The following COLQ variants were observed in gnomAD, a reference collection of about 807,000 sequenced individuals.
The protein encoded by COLQ is collagen like tail subunit of asymmetric acetylcholinesterase.
Under a neutral mutation model 69.0 loss-of-function variants are expected in COLQ, and 48 were observed. The ratio of observed to expected loss-of-function variants is 0.70; its 90% confidence interval spans 0.55 to 0.88. The LOEUF (loss-of-function observed/expected upper bound fraction) is 0.88, where lower values mean the gene tolerates loss of function less well. Among genes scored for constraint, COLQ ranks in the 40% least tolerant of loss-of-function variants. COLQ has a pLI of 0.00. For missense variants in COLQ, 618 were observed against 594.6 expected (o/e 1.04, Z -0.41); for synonymous variants, 217 against 211.2 (o/e 1.03, Z -0.24).
chr3:15,484,770 G>A (rs2062547568), intron 3 of COLQ, among the ~76,000 whole-genome samples: 1 of 152,132 alleles, frequency 6.6e-6, no homozygotes, highest in African/African-American at 2.4e-5. Context: ...GCTCCAACAG[G>A]TCATTTAAGG....
chr3:15,488,044 A>G (rs1010034965), intron 3 of COLQ, among the ~76,000 whole-genome samples, 162 bp downstream of exon 3: 1 of 152,216 alleles, frequency 6.6e-6, no homozygotes, highest in Non-Finnish European at 1.5e-5. Flanking sequence ...CCTAGCAAAG[A>G]GTCAGTGTTC....
intron 1 of COLQ, among the ~76,000 whole-genome samples, chr3:15,495,816 G>C (rs1389133045): frequency 6.6e-6 from 1 of 152,202 alleles, no homozygotes; most frequent in East Asian, 1.9e-4. Context: ...TGAGTCGCTA[G>C]GAGTGGGCAG....
Position 15,473,027 on chromosome 3 carries a change from T to G in COLQ, c.636+973A>C, listed in dbSNP as rs80247375. 5.1e-5 allele frequency among the ~76,000 whole-genome samples: 7 copies of G among 137,628 alleles called. No individual in the cohort carries two copies. Among genetic ancestry groups the G allele is most frequent in the Non-Finnish European group, 1.5e-5 (1 of 65,638 alleles). The allele number at this position is 137,628 out of a possible 152,430, so 90.3% of individuals were successfully genotyped here. The stretch of plus-strand genomic sequence containing the variant: ...GGCATGTGCCACCATGACCTGCTAA[T>G]TTTTTTTTTTTTAGAGATGAGATAG... On this transcript the variant is annotated intron_variant, in intron 10 of 16. Transcript: ENST00000383788. This position sits in a 1 kb window ranked among gnomAD's most constrained non-coding sequence, Gnocchi z 4.0.
intron 3 of COLQ, among the ~76,000 whole-genome samples, chr3:15,481,342 A>T (rs2062480303): frequency 6.6e-6 from 1 of 152,234 alleles, no homozygotes; most frequent in South Asian, 2.1e-4. Context: ...TTTAGGTCTA[A>T]CATTTAAGTA....
chr3:15,483,425 T>A (rs897120777), intron 3 of COLQ, among the ~76,000 whole-genome samples: 4 of 152,232 alleles, frequency 2.6e-5, no homozygotes, highest in African/African-American at 9.6e-5. Context: ...TCTGTTCTCA[T>A]GGGTTTCAAA....
At chr3:15,512,878 A>T (rs146707246) in intron 1 of COLQ, among the ~76,000 whole-genome samples, 197 of 152,344 alleles carry the variant, frequency 1.3e-3, no homozygotes, top group African/African-American at 4.6e-3. Flanking sequence ...TGCCAAGGTC[A>T]CAAAGCTAAG....
intron 8 of COLQ, 28 bp from the exon 9 acceptor site, chr3:15,474,300 A>G: frequency 1.2e-6 from 2 of 1,610,000 alleles, no homozygotes; most frequent in East Asian, 2.2e-5. Context: ...GAGAAAGTCA[A>G]TGAGTTAATA....
intron 1 of COLQ, among the ~76,000 whole-genome samples, chr3:15,502,425 A>AT (rs1021766080): frequency 3.6e-4 from 54 of 149,792 alleles, no homozygotes; most frequent in African/African-American, 1.2e-3. Context: ...TCTTTTATAA[A>AT]TTTTTTTTTA....
intron 1 of COLQ, among the ~76,000 whole-genome samples, chr3:15,509,124 G>A (rs910169241): frequency 1.3e-5 from 2 of 152,236 alleles, no homozygotes; most frequent in African/African-American, 4.8e-5. Context: ...TATATGGCCA[G>A]AATATTGGGC....
At chr3:15,477,002 C>T (rs1449288150) in intron 6 of COLQ, 124 bp downstream of exon 6, 7 of 997,188 alleles carry the variant, frequency 7.0e-6, no homozygotes, top group Non-Finnish European at 4.7e-6. Context: ...AGTCCTTAAG[C>T]TCTCTTCTTC....
intron 9 of COLQ, 24 bp from the exon 10 acceptor site, chr3:15,474,059 T>A: frequency 6.2e-7 from 1 of 1,614,100 alleles, no homozygotes; most frequent in Non-Finnish European, 8.5e-7. Context: ...AACAAATAAT[T>A]GTGATCACCT....
intron 8 of COLQ, among the ~76,000 whole-genome samples, chr3:15,474,671 C>T (rs143468629): frequency 6.6e-6 from 1 of 152,234 alleles, no homozygotes; most frequent in African/African-American, 2.4e-5. Context: ...CTACCTGGCA[C>T]GGCCTTCATT....
At position 15,474,123 on chromosome 3, in the gene COLQ, T is replaced by C. The variant is rs1242806753; in HGVS notation, c.601-88A>G. On this transcript the variant is annotated intron_variant, in intron 9 of 16. Transcript: ENST00000383788. ...CAGGCTTTGTTGGTCATTTTCAAGATGGAGGCCTGTCCATCAGTCCATCAT... is the reference window on the plus strand; with the variant it reads ...CAGGCTTTGTTGGTCATTTTCAAGACGGAGGCCTGTCCATCAGTCCATCAT... 10 of 1,600,950 alleles carry C rather than the reference T, an allele frequency of 6.2e-6. No homozygotes were observed. In the South Asian group the frequency reaches 1.1e-4, roughly 18 times the overall value.
chr3:15,508,313 C>T (rs529441912), intron 1 of COLQ, among the ~76,000 whole-genome samples: 3 of 152,300 alleles, frequency 2.0e-5, no homozygotes, highest in South Asian at 2.1e-4. Context: ...TGCTAAGCAT[C>T]GGCCTACAAC....
chr3:15,460,418 C>A (rs2125092862), intron 12 of COLQ, among the ~76,000 whole-genome samples: 1 of 152,286 alleles, frequency 6.6e-6, no homozygotes, highest in African/African-American at 2.4e-5. Flanking sequence ...AGGTAAGGAT[C>A]CCTTCTTCTG....
At chr3:15,469,627 G>A (rs764621410) in intron 11 of COLQ, among the ~76,000 whole-genome samples, 16 of 152,128 alleles carry the variant, frequency 1.1e-4, no homozygotes, top group Non-Finnish European at 2.4e-4. Flanking sequence ...TTATGGTTCT[G>A]AAACCTGGCT....
At position 15,466,442 on chromosome 3, in the gene COLQ, C is replaced by T. The variant is rs748890722; in HGVS notation, c.718-5G>A. 1.2e-5 allele frequency: 19 copies of T among 1,612,516 alleles called. No individual in the cohort carries two copies. The highest frequency in any genetic ancestry group is 1.6e-5 in the Non-Finnish European group (19 of 1,178,570). On this transcript the variant is annotated splice_region_variant and splice_polypyrimidine_tract_variant and intron_variant, in intron 11 of 16. Transcript: ENST00000383788. ...TCCACTATCCCCTTTCTGTCCCTGA[C>T]AGAGAGAAAGGCAGAGCCTGTTATG...
intron 1 of COLQ, among the ~76,000 whole-genome samples, chr3:15,508,528 T>C (rs2062940713): frequency 6.6e-6 from 1 of 152,196 alleles, no homozygotes; most frequent in African/African-American, 2.4e-5. Flanking sequence ...TACTGGTCAT[T>C]TGATTGAGGG....
rs2062052303 is a variant in COLQ at position 15,458,219 on chromosome 3, A to G, written c.921T>C (p.Ser307=). The change falls in exon 13 of 17, where the codon TCT becomes TCC. Residue 307 remains serine, a synonymous_variant. Transcript: ENST00000383788. The stretch of plus-strand genomic sequence containing the variant: ...CTCGCGGGGAACTGGGCCCATACAC[A>G]GATTCCCCGTAGGAAGGGTTATTCA... The part of the protein sequence containing the change: ...MNVNNPSYGE[S]VYGPSSPRVP... The G allele has an allele frequency of 4.3e-6, 7 of 1,613,994 alleles. No individual in the cohort carries two copies. Among genetic ancestry groups the G allele is most frequent in the Non-Finnish European group, 5.9e-6 (7 of 1,180,026 alleles).
Sources: gnomAD v4.1 joint callset for allele counts (sites outside exome capture counted in the v4.1 genomes callset) on GRCh38, gnomAD v4.1.1 for gene constraint, Gnocchi (gnomAD v3.1) non-coding constraint, MANE v1.5 for transcripts, NCBI Gene and HGNC (gene_info 2026-07-23, HGNC 2026-07-21) for gene names.